Variants in MICAL3 observed in about 807,000 individuals in gnomAD.
MICAL3 encodes microtubule associated monooxygenase, calponin and LIM domain containing 3, also known as [F-actin]-monooxygenase MICAL3.
MICAL3 carries 62 observed loss-of-function variants against 207.4 expected under a neutral mutation model. That is an observed-to-expected ratio of 0.30 (90% CI 0.24 to 0.37). MICAL3 has a LOEUF of 0.37. Among genes scored for constraint, MICAL3 ranks in the 10% least tolerant of loss-of-function variants. The probability of loss-of-function intolerance (pLI) is 1.00; values close to 1 mark genes in which losing one functional copy is unlikely to be tolerated. For synonymous variants in MICAL3, 1,077 were observed against 1,069.3 expected (o/e 1.01, Z -0.14); for missense variants, 2,368 against 2,635.6 (o/e 0.90, Z 2.22).
At chr22:17,967,104 C>T (rs992242673) in intron 1 of MICAL3, among the ~76,000 whole-genome samples, 3 of 152,164 alleles carry the variant, frequency 2.0e-5, no homozygotes, top group South Asian at 2.1e-4. Context: ...GCTAAGCAGT[C>T]AACCAACACG....
intron 1 of MICAL3, among the ~76,000 whole-genome samples, chr22:17,969,607 T>C (rs1174577399): frequency 6.6e-6 from 1 of 152,178 alleles, no homozygotes; most frequent in Non-Finnish European, 1.5e-5. Flanking sequence ...TAAGGCAACA[T>C]GGGCCCTTGA....
intron 1 of MICAL3, among the ~76,000 whole-genome samples, chr22:18,022,934 G>A (rs141415131): frequency 1.3e-5 from 2 of 152,284 alleles, no homozygotes; most frequent in Non-Finnish European, 2.9e-5. Flanking sequence ...ATTTAGTGAA[G>A]GGACCTGTTC....
intron 1 of MICAL3, among the ~76,000 whole-genome samples, chr22:17,952,062 C>T (rs999375849): frequency 3.7e-4 from 56 of 152,204 alleles, no homozygotes; most frequent in Non-Finnish European, 1.8e-4. Context: ...CTATGTGATG[C>T]ATGAACACCC....
At chr22:17,875,155 T>C (rs75305553) in intron 16 of MICAL3, 77 of 186,414 alleles carry the variant, frequency 4.1e-4, no homozygotes, top group Non-Finnish European at 7.4e-4. Flanking sequence ...CTGCAAAACA[T>C]TTATCATTAT....
At chr22:17,927,062 C>T (rs932883721) in intron 1 of MICAL3, among the ~76,000 whole-genome samples, 5 of 152,308 alleles carry the variant, frequency 3.3e-5, no homozygotes, top group Admixed American at 6.5e-5. Context: ...GCAACAGAAA[C>T]TCTGTACCCA....
rs540087224 is a variant in MICAL3 at position 17,885,946 on chromosome 22, T to C, written c.2173A>G (p.Met725Val). 30 of 1,614,044 alleles carry C rather than the reference T, an allele frequency of 1.9e-5. No homozygotes were observed. The highest frequency in any genetic ancestry group is 2.7e-5 in the African/African-American group (2 of 75,058). Residue 725 changes from methionine (M) to valine (V), a missense_variant, in exon 16 of 32, where the codon ATG becomes GTG. By Grantham distance (21) the Met-to-Val change is conservative. This residue lies in a region of MICAL3 where 1,770 missense variants were observed against 1,863.2 expected (regional missense o/e 0.95). Transcript: ENST00000441493. ...AVGNQNKVKY[M>V]ATQLLAKFEE... The stretch of plus-strand genomic sequence containing the variant: ...AATTTGGCCAGCAGCTGGGTCGCCA[T>C]GTACTTCACTTTGTTCTGGTTCCCA...
chr22:17,956,578 A>T (rs1934625317), intron 1 of MICAL3, among the ~76,000 whole-genome samples: 1 of 152,226 alleles, frequency 6.6e-6, no homozygotes, highest in Non-Finnish European at 1.5e-5. Flanking sequence ...CTGAGGCAGG[A>T]GAATTGCTTG....
chr22:17,955,147 T>C (rs1157668818), intron 1 of MICAL3, among the ~76,000 whole-genome samples: 6 of 152,220 alleles, frequency 3.9e-5, no homozygotes, highest in Admixed American at 2.0e-4. Flanking sequence ...ATTTAGCCAC[T>C]GAGAATGTCC....
At chr22:17,974,634 G>A (rs1312140107) in intron 1 of MICAL3, among the ~76,000 whole-genome samples, 1 of 150,670 alleles carries the variant, frequency 6.6e-6, no homozygotes, top group African/African-American at 2.4e-5. Context: ...TGAGGCAGGA[G>A]AATCGCTTGA....
At chr22:17,843,057 C>G (rs1924215654) in intron 19 of MICAL3, among the ~76,000 whole-genome samples, 1 of 139,538 alleles carries the variant, frequency 7.2e-6, no homozygotes, top group African/African-American at 2.7e-5. Flanking sequence ...GGAGGCGGAG[C>G]TTGCAGTGAA....
At chr22:17,884,370 A>G (rs566760040) in intron 16 of MICAL3, 17 of 1,582,556 alleles carry the variant, frequency 1.1e-5, no homozygotes, top group Admixed American at 7.3e-5. Flanking sequence ...TGGGACACAC[A>G]GGCCAAGTGT....
intron 7 of MICAL3, among the ~76,000 whole-genome samples, chr22:17,898,987 T>C (rs1268473497): frequency 6.6e-6 from 1 of 152,200 alleles, no homozygotes; most frequent in Non-Finnish European, 1.5e-5. Context: ...TCAAACTCCT[T>C]TCCCTCTGTT....
At chr22:17,799,912 C>T (rs2061919099) in intron 29 of MICAL3, among the ~76,000 whole-genome samples, 1 of 150,404 alleles carries the variant, frequency 6.6e-6, no homozygotes, top group South Asian at 2.1e-4. Flanking sequence ...AACACACAAA[C>T]ACACACACAC....
chr22:17,990,601 T>C lies in MICAL3; in HGVS notation c.-75+33680A>G, dbSNP rs1004892241. ...CGGTCACACACTCTAGTAACCGGTA[T>C]AGTACAGCACAGTCGGGTTCCAGAG... On this transcript the variant is annotated intron_variant, in intron 1 of 31. Transcript: ENST00000441493. Among the ~76,000 whole-genome samples, 3 of 152,168 alleles carry C rather than the reference T, an allele frequency of 2.0e-5. No individual in the cohort carries two copies. In the East Asian group the frequency reaches 5.8e-4, roughly 29 times the overall value.
Position 17,905,872 on chromosome 22 carries a change from G to A in MICAL3, c.264+677C>T, listed in dbSNP as rs536007435. On this transcript the variant is annotated intron_variant, in intron 2 of 31. Transcript: ENST00000441493. ...AAACCCCATTTCTCCACATGGTGAAGAAAGCAACAGAAATACTTTGGTTCA... is the reference window on the plus strand; with the variant it reads ...AAACCCCATTTCTCCACATGGTGAAAAAAGCAACAGAAATACTTTGGTTCA... Among the ~76,000 whole-genome samples, 10 of 152,190 alleles carry A rather than the reference G, an allele frequency of 6.6e-5. No individual in the cohort carries two copies. In the South Asian group the frequency reaches 1.0e-3, roughly 16 times the overall value.
chr22:18,017,743 AC>A, intron 1 of MICAL3, among the ~76,000 whole-genome samples: 1 of 128,492 alleles, frequency 7.8e-6, no homozygotes, highest in African/African-American at 2.9e-5. Flanking sequence ...CCGCCACCAC[AC>A]CCGGCTAATT....
rs1569120221 is a variant in MICAL3, at chr22:17,893,825, G to C, written c.1529C>G (p.Pro510Arg). Residue 510 changes from proline (P) to arginine (R), a missense_variant, in exon 11 of 32, where the codon CCC (proline) becomes CGC (arginine). By Grantham distance (103) the Pro-to-Arg change is moderately radical. This residue lies in a region of MICAL3 where 147 missense variants were observed against 137.7 expected (regional missense o/e 1.07). Transcript: ENST00000441493. ...MESLVNSRTTPKLTRNESVAR... is the reference protein window; with the variant it reads ...MESLVNSRTTRKLTRNESVAR... ...GAACTCACCATTGCGAGTCAATTTG[G>C]GGGTGGTTCGGGAATTCACCAGGCT... 6.3e-7 allele frequency: 1 copy of C among 1,575,560 alleles called. No individual in the cohort carries two copies. The highest frequency in any genetic ancestry group is 1.2e-5 in the South Asian group (1 of 85,716).
chr22:18,022,421 C>T (rs1052776449), intron 1 of MICAL3, among the ~76,000 whole-genome samples: 3 of 101,188 alleles, frequency 3.0e-5, no homozygotes, highest in African/African-American at 8.7e-5. Flanking sequence ...TTCCGACCTG[C>T]ACCCCCACCC....
At position 17,836,303 on chromosome 22, in the gene MICAL3, A is replaced by G. The variant is rs551170355; in HGVS notation, c.2802-4196T>C. Among the ~76,000 whole-genome samples, 5 of 152,326 alleles carry G rather than the reference A, an allele frequency of 3.3e-5. No homozygotes were observed. In the South Asian group the frequency reaches 8.3e-4, roughly 25 times the overall value. The stretch of plus-strand genomic sequence containing the variant: ...GTGCCCGCAGCACAAAGTGCTTCCC[A>G]TGGGTAGCTCATTTAATCGCACAAA... On this transcript the variant is annotated intron_variant, in intron 20 of 31. Transcript: ENST00000441493.
Sources: gnomAD v4.1 joint callset for allele counts (sites outside exome capture counted in the v4.1 genomes callset) on GRCh38, gnomAD v4.1.1 for gene constraint, gnomAD v4.1.1 regional missense constraint, MANE v1.5 for transcripts, NCBI Gene and HGNC (gene_info 2026-07-23, HGNC 2026-07-21) for gene names.